HIVEP3: variants seen among roughly 807,000 people sequenced by gnomAD.
HIVEP3 encodes the protein transcription factor HIVEP3.
Under a neutral mutation model 152.8 loss-of-function variants are expected in HIVEP3, and 49 were observed. The ratio of observed to expected loss-of-function variants is 0.32; its 90% CI spans 0.26 to 0.41. The LOEUF (loss-of-function observed/expected upper bound fraction) is 0.41. Among genes scored for constraint, HIVEP3 ranks in the 10% least tolerant of loss-of-function variants. HIVEP3 has a pLI of 1.00. For synonymous variants in HIVEP3, 1,269 were observed against 1,289.0 expected (o/e 0.98, Z 0.33); for missense variants, 2,790 against 3,103.3 (o/e 0.90, Z 2.40).
chr1:41,525,359 C>T (rs1306979469), intron 5 of HIVEP3, among the ~76,000 whole-genome samples: 1 of 152,188 alleles, frequency 6.6e-6, no homozygotes, highest in East Asian at 1.9e-4. Context: ...AGGCACTTTA[C>T]CCAAATCAAA....
At chr1:41,907,627 G>A (rs552676808) in intron 1 of HIVEP3, among the ~76,000 whole-genome samples, 2 of 152,200 alleles carry the variant, frequency 1.3e-5, no homozygotes, top group Non-Finnish European at 1.5e-5. Context: ...TCCATCTGCT[G>A]TGCCCCACCA....
intron 2 of HIVEP3, among the ~76,000 whole-genome samples, chr1:41,659,894 G>T (rs1237523486): frequency 6.6e-6 from 1 of 152,224 alleles, no homozygotes; most frequent in Non-Finnish European, 1.5e-5. Context: ...GGGACAAGGG[G>T]ACATCCCCAT....
chr1:41,771,132 G>C (rs909876611), intron 1 of HIVEP3, among the ~76,000 whole-genome samples: 1 of 152,194 alleles, frequency 6.6e-6, no homozygotes, highest in Non-Finnish European at 1.5e-5. Flanking sequence ...CCTGGGGTGG[G>C]AGTGGAGCAA....
intron 3 of HIVEP3, among the ~76,000 whole-genome samples, chr1:41,591,770 T>G (rs751214239): frequency 6.6e-6 from 1 of 152,126 alleles, no homozygotes; most frequent in Non-Finnish European, 1.5e-5. Context: ...CCTCGATTAC[T>G]GCCAAATAGA....
intron 1 of HIVEP3, among the ~76,000 whole-genome samples, chr1:41,890,786 A>T (rs552410338): frequency 6.6e-6 from 1 of 152,346 alleles, no homozygotes; most frequent in South Asian, 2.1e-4. Context: ...CCCTGGGGTC[A>T]GGGGGATGAG....
intron 4 of HIVEP3, among the ~76,000 whole-genome samples, chr1:41,576,492 C>G (rs532699265): frequency 1.3e-5 from 2 of 152,304 alleles, no homozygotes; most frequent in Admixed American, 1.3e-4. Context: ...GGTGGGTGCA[C>G]TTTTGCCTAG....
At chr1:41,945,048 G>A (rs967270059) in intron 1 of HIVEP3, among the ~76,000 whole-genome samples, 7 of 152,116 alleles carry the variant, frequency 4.6e-5, no homozygotes, top group African/African-American at 1.7e-4. Context: ...GACCTCTTTT[G>A]TAGAAAAGAA....
chr1:41,612,796 C>T (rs1282477163), intron 3 of HIVEP3, among the ~76,000 whole-genome samples: 2 of 152,242 alleles, frequency 1.3e-5, no homozygotes, highest in Admixed American at 1.3e-4. Context: ...GTGCCTCCTT[C>T]AGGGTACCAC....
chr1:41,506,407 T>A lies in HIVEP3; in HGVS notation c.*4044A>T, dbSNP rs1194733469. ...ATTTATTCCAACATGCTAATTCTTT[T>A]TTTTTTAAAAAATATCCTCAGGCTG... On this transcript the variant is annotated 3_prime_UTR_variant, in exon 9 of 9. Transcript: ENST00000372583. 6.6e-6 allele frequency: 1 copy of A among 152,186 alleles called. No homozygotes were observed. Among genetic ancestry groups the A allele is most frequent in the Non-Finnish European group, 1.5e-5 (1 of 68,046 alleles). 9.4% of individuals were successfully genotyped at this position (152,186 alleles called of 1,614,324 possible). A position where few individuals can be genotyped will look rare whatever the true frequency, so the allele number is the denominator to read the frequency against.
At chr1:41,790,647 G>A (rs1012571011) in intron 1 of HIVEP3, among the ~76,000 whole-genome samples, 5 of 152,054 alleles carry the variant, frequency 3.3e-5, no homozygotes, top group South Asian at 2.1e-4. Context: ...AGTACCTCCC[G>A]CCAAAGATAT....
intron 1 of HIVEP3, among the ~76,000 whole-genome samples, chr1:41,904,360 C>G (rs1400501583): frequency 6.6e-6 from 1 of 152,176 alleles, no homozygotes; most frequent in Non-Finnish European, 1.5e-5. Flanking sequence ...GAGGTCCTGA[C>G]CTTGGCTGCA....
At chr1:41,886,826 G>A (rs776024672) in intron 1 of HIVEP3, among the ~76,000 whole-genome samples, 8 of 151,708 alleles carry the variant, frequency 5.3e-5, no homozygotes, top group Non-Finnish European at 7.4e-5. Flanking sequence ...TGGAATTGAA[G>A]GAAAATTTAG....
intron 2 of HIVEP3, among the ~76,000 whole-genome samples, chr1:41,668,999 G>A (rs1272824598): frequency 2.0e-5 from 3 of 152,106 alleles, no homozygotes; most frequent in East Asian, 1.9e-4. Context: ...GCCTGGGAGT[G>A]CAGAGGAAGC....
At chr1:42,028,406 C>A (rs909347408) in intron 1 of HIVEP3, among the ~76,000 whole-genome samples, 10 of 152,170 alleles carry the variant, frequency 6.6e-5, no homozygotes, top group Non-Finnish European at 1.2e-4. Context: ...AAGCACTTTT[C>A]TTTCTGCTGC....
At chr1:41,602,252 C>T (rs1040864838) in intron 3 of HIVEP3, among the ~76,000 whole-genome samples, 3 of 152,030 alleles carry the variant, frequency 2.0e-5, no homozygotes, top group Non-Finnish European at 4.4e-5. Flanking sequence ...GTAATGCTAG[C>T]CTCATAAAAT....
intron 1 of HIVEP3, among the ~76,000 whole-genome samples, chr1:41,853,623 T>A (rs893700390): frequency 6.6e-6 from 1 of 152,062 alleles, no homozygotes; most frequent in Non-Finnish European, 1.5e-5. Flanking sequence ...AGGCAAACCA[T>A]ATCAGAGGTG....
chr1:41,596,760 C>T (rs1262077733), intron 3 of HIVEP3, among the ~76,000 whole-genome samples: 1 of 152,092 alleles, frequency 6.6e-6, no homozygotes, highest in Non-Finnish European at 1.5e-5. Flanking sequence ...GGATTTGAAC[C>T]CTGAGTGCTG....
At chr1:41,973,401 A>T (rs1337476424) in intron 1 of HIVEP3, among the ~76,000 whole-genome samples, 1 of 152,196 alleles carries the variant, frequency 6.6e-6, no homozygotes, top group African/African-American at 2.4e-5. Flanking sequence ...TTGAGGTAGG[A>T]TCTGCTTCCA....
At chr1:41,860,880 A>G (rs547783237) in intron 1 of HIVEP3, among the ~76,000 whole-genome samples, 6 of 152,368 alleles carry the variant, frequency 3.9e-5, no homozygotes, top group Admixed American at 3.9e-4. Context: ...CACAAACCTG[A>G]AAGCAGCAGA....
Sources: gnomAD v4.1 joint callset for allele counts (sites outside exome capture counted in the v4.1 genomes callset) on GRCh38, gnomAD v4.1.1 for gene constraint, MANE v1.5 for transcripts, NCBI Gene and HGNC (gene_info 2026-07-23, HGNC 2026-07-21) for gene names.